GPALPP1: variants seen among roughly 807,000 people sequenced by gnomAD.
GPALPP1 encodes GPALPP motifs containing 1.
A neutral mutation model predicts 38.9 loss-of-function variants in GPALPP1; 30 were observed. The observed-to-expected ratio is 0.77, with a 90% CI of 0.58 to 1.05. The LOEUF is 1.05. Among genes scored for constraint, GPALPP1 ranks in the 50% least tolerant of loss-of-function variants. The pLI, the probability that GPALPP1 is intolerant of heterozygous loss-of-function variation, is 0.00. For missense variants in GPALPP1, 384 were observed against 408.8 expected (o/e 0.94, Z 0.52); for synonymous variants, 120 against 139.2 (o/e 0.86, Z 0.97).
At chr13:45,003,731 C>T (rs1873856806) in intron 1 of GPALPP1, among the ~76,000 whole-genome samples, 1 of 152,106 alleles carries the variant, frequency 6.6e-6, no homozygotes, top group South Asian at 2.1e-4. Flanking sequence ...CCTAACATCC[C>T]CATTACAGTG....
At chr13:45,011,655 A>G (rs1030632591) in intron 4 of GPALPP1, among the ~76,000 whole-genome samples, 24 of 152,178 alleles carry the variant, frequency 1.6e-4, no homozygotes, top group African/African-American at 5.8e-4. Flanking sequence ...GGTCCCTCCG[A>G]CACGTGGGGA....
chr13:44,990,602 C>T (rs61947793), intron 1 of GPALPP1, among the ~76,000 whole-genome samples: 119 of 152,272 alleles, frequency 7.8e-4, no homozygotes, highest in Non-Finnish European at 1.4e-3. Flanking sequence ...TCTCGGATTC[C>T]GGCATGCATA....
At chr13:45,021,783 G>A (rs889985704) in intron 7 of GPALPP1, among the ~76,000 whole-genome samples, 1 of 152,194 alleles carries the variant, frequency 6.6e-6, no homozygotes, top group African/African-American at 2.4e-5. Context: ...ATATGAAGCG[G>A]TATTTAGAGG....
intron 4 of GPALPP1, among the ~76,000 whole-genome samples, chr13:45,010,286 G>GT (rs550037425): frequency 1.6e-4 from 25 of 152,120 alleles, no homozygotes; most frequent in Middle Eastern, 3.4e-3. Flanking sequence ...TAGACCTTCA[G>GT]TTTTTTTGCT....
chr13:45,017,873 G>A (rs1702884324), intron 6 of GPALPP1, among the ~76,000 whole-genome samples: 1 of 152,092 alleles, frequency 6.6e-6, no homozygotes, highest in Non-Finnish European at 1.5e-5. Flanking sequence ...ACAGAATATA[G>A]TACCACAGAC....
chr13:45,025,879 C>A (rs936332799), intron 7 of GPALPP1, among the ~76,000 whole-genome samples: 3 of 151,892 alleles, frequency 2.0e-5, no homozygotes, highest in Non-Finnish European at 4.4e-5. Context: ...TCAGGCGATT[C>A]TCCTGCCTCA....
At chr13:45,037,062 C>T (rs765417934) in exon 8 of GPALPP1, 1 of 152,184 alleles carries the variant, frequency 6.6e-6, no homozygotes, top group African/African-American at 2.4e-5. Flanking sequence ...ATTTCGAGAA[C>T]CTATTCAAGA....
Position 44,989,672 on chromosome 13 carries a change from C to T in GPALPP1, c.18C>T (p.Ile6=), listed in dbSNP as rs1210353392. 2 of 1,612,522 alleles carry T rather than the reference C, an allele frequency of 1.2e-6. No individual in the cohort carries two copies. Among genetic ancestry groups the T allele is most frequent in the Non-Finnish European group, 1.7e-6 (2 of 1,179,726 alleles). MARDL[I]GPALPPGFKA... is the part of the protein sequence containing the mutation. ...CACCGCGGATGGCAAGAGACCTGAT[C>T]GGACCGGCCCTGCCGCCCGGCTTCA... The change falls in exon 1 of 8, where the codon ATC becomes ATT. Residue 6 remains isoleucine (I), a synonymous_variant. Transcript: ENST00000379151.
rs755761092 is a variant in GPALPP1 at position 44,995,202 on chromosome 13, A to ACACACACC, written c.88+5461_88+5462insACACACCC. On this transcript the variant is annotated intron_variant, in intron 1 of 7. Transcript: ENST00000379151. ...CACACACACACACACACACACACACACCCCTTCTCTTTTGGTTTCTATGAT... is the reference window on the plus strand; with the variant it reads ...CACACACACACACACACACACACACACACACACCCCCCTTCTCTTTTGGTTTCTATGAT... Among the ~76,000 whole-genome samples the ACACACACC allele has an allele frequency of 7.6e-3, 417 of 54,548 alleles. 1 individual carries two copies. The highest frequency in any genetic ancestry group is 0.014 in the African/African-American group (368 of 27,126). 35.8% of individuals were successfully genotyped at this position (54,548 alleles called of 152,430 possible).
At chr13:45,026,764 G>A (rs1414155936) in intron 7 of GPALPP1, among the ~76,000 whole-genome samples, 1 of 152,180 alleles carries the variant, frequency 6.6e-6, no homozygotes, top group Non-Finnish European at 1.5e-5. Context: ...TAGGAGAAAT[G>A]TGTTTCAGAC....
chr13:45,023,974 G>A (rs980481917), intron 7 of GPALPP1, among the ~76,000 whole-genome samples: 1 of 152,052 alleles, frequency 6.6e-6, no homozygotes, highest in Non-Finnish European at 1.5e-5. Flanking sequence ...TCCACATCCC[G>A]TGGATCACCT....
chr13:45,001,902 A>G (rs1272456178), intron 1 of GPALPP1: 1 of 152,326 alleles, frequency 6.6e-6, no homozygotes, highest in Non-Finnish European at 1.5e-5. Flanking sequence ...GCTGGTCCCG[A>G]ACTCCTGACC....
chr13:45,010,748 C>G (rs1300696098), intron 4 of GPALPP1, among the ~76,000 whole-genome samples: 1 of 152,222 alleles, frequency 6.6e-6, no homozygotes, highest in African/African-American at 2.4e-5. Context: ...CTTTGGGAGG[C>G]CAAGGCGGGT....
At chr13:45,020,450 A>G in intron 7 of GPALPP1, 22 bp downstream of exon 7, 1 of 967,286 alleles carries the variant, frequency 1.0e-6, no homozygotes. Flanking sequence ...AATAAGATAT[A>G]TAGAGCCAGG....
chr13:45,015,160 A>G (rs1874756006), intron 5 of GPALPP1, 77 bp downstream of exon 5: 7 of 915,994 alleles, frequency 7.6e-6, no homozygotes, highest in Admixed American at 3.5e-5. Context: ...ACTAAACTAT[A>G]TAACTTTTAA....
In GPALPP1 at chr13:45,027,808, T is replaced by C; in HGVS notation, c.828T>C (p.Leu276=). ...AGGAATCAAAAAGATCAGAATCTCT[T>C]ATGGACATACATCATAAAAAGTTAA... The part of the protein sequence containing the change: ...SYNESKRSES[L]MDIHHKKLKS... Residue 276 remains leucine, a synonymous_variant, in exon 8 of 8, where the codon CTT becomes CTC. Coordinates refer to ENST00000379151, the MANE Select transcript of GPALPP1 (RefSeq NM_018559.5). 6.4e-7 allele frequency: 1 copy of C among 1,569,324 alleles called. No individual in the cohort carries two copies. Among genetic ancestry groups the C allele is most frequent in the East Asian group, 2.2e-5 (1 of 44,564 alleles).
At chr13:44,993,547 G>C (rs1820784911) in intron 1 of GPALPP1, among the ~76,000 whole-genome samples, 1 of 152,100 alleles carries the variant, frequency 6.6e-6, no homozygotes, top group South Asian at 2.1e-4. Context: ...TGATTCAGGT[G>C]ATCTGGGACC....
intron 7 of GPALPP1, among the ~76,000 whole-genome samples, chr13:45,025,209 A>G (rs369672663): frequency 6.6e-6 from 1 of 152,230 alleles, no homozygotes; most frequent in African/African-American, 2.4e-5. Context: ...GAGTTAAGAA[A>G]CCAGGTTTTT....
At chr13:45,001,014 C>T (rs554684662) in intron 1 of GPALPP1, among the ~76,000 whole-genome samples, 1 of 152,266 alleles carries the variant, frequency 6.6e-6, no homozygotes, top group South Asian at 2.1e-4. Flanking sequence ...CTGAGCTTTA[C>T]ACTGTAATAA....
Sources: allele counts gnomAD v4.1 joint callset (sites outside exome capture counted in the v4.1 genomes callset), GRCh38; gene constraint gnomAD v4.1.1; transcripts MANE v1.5; gene names NCBI Gene and HGNC (gene_info 2026-07-23, HGNC 2026-07-21).